RNF144B: variants seen among roughly 807,000 people sequenced by gnomAD.
RNF144B encodes the protein ring finger protein 144B, also known as E3 ubiquitin-protein ligase RNF144B.
Under a neutral mutation model 40.2 loss-of-function variants are expected in RNF144B, and 25 were observed. The ratio of observed to expected loss-of-function variants is 0.62; its 90% CI spans 0.45 to 0.87. RNF144B has a LOEUF of 0.87. Ranked by LOEUF, RNF144B falls within the 40% of genes least tolerant of loss-of-function variation. The pLI, the probability that RNF144B is intolerant of heterozygous loss-of-function variation, is 0.00. For synonymous variants in RNF144B, 145 were observed against 136.3 expected, an observed-to-expected ratio of 1.06 and a Z score of -0.44; for missense variants, 365 against 373.7, an observed-to-expected ratio of 0.98 and a Z score of 0.19.
chr6:18,406,453 GA>G lies in RNF144B; in HGVS notation c.165+6758del, dbSNP rs1232637937. On this transcript the variant is annotated intron_variant, in intron 2 of 7. Transcript: ENST00000259939. This position sits in a 1 kb window ranked among gnomAD's most constrained non-coding sequence, Gnocchi z 4.2. ...ACAGCAAAGGAGGCTGGTGTGGCTG[GA>G]AAAGTGTGTGTGTGTGTGTGTGTGT... is the stretch of plus-strand genomic sequence containing the variant. 8.1e-6 allele frequency among the ~76,000 whole-genome samples: 1 copy of G among 123,060 alleles called. No homozygotes were observed. Among genetic ancestry groups the G allele is most frequent in the Admixed American group, 9.2e-5 (1 of 10,928 alleles). 80.7% of individuals were successfully genotyped at this position (123,060 alleles called of 152,430 possible). A position where few individuals can be genotyped will look rare whatever the true frequency, so the allele number is the denominator to read the frequency against.
At position 18,431,429 on chromosome 6, in the gene RNF144B, A is replaced by G. The variant is rs118187908; in HGVS notation, c.270+3744A>G. Reference sequence around the variant, plus strand: ...TTGAAAGTAAATACCACACACATGAATTGGACTGTACCACCTTCATTTCTA... The same window carrying G: ...TTGAAAGTAAATACCACACACATGAGTTGGACTGTACCACCTTCATTTCTA... On this transcript the variant is annotated intron_variant, in intron 3 of 7. Transcript: ENST00000259939. Among the ~76,000 whole-genome samples, 40 of 152,276 alleles carry G rather than the reference A, an allele frequency of 2.6e-4. No individual in the cohort carries two copies. The East Asian group carries it at 7.4e-3, about 28-fold the overall frequency.
rs1205543359 is a variant in RNF144B, at chr6:18,447,397, A to C, written c.331+7653A>C. Among the ~76,000 whole-genome samples the C allele has an allele frequency of 6.6e-6, 1 of 152,118 alleles. No individual in the cohort carries two copies. Among genetic ancestry groups the C allele is most frequent in the Admixed American group, 6.5e-5 (1 of 15,270 alleles). Reference sequence around the variant, plus strand: ...GGAGAGTTATAGGAGGTAATTTGAAAGTGTTAGTCAAGGGCCTGATCCCAT... The same window carrying C: ...GGAGAGTTATAGGAGGTAATTTGAACGTGTTAGTCAAGGGCCTGATCCCAT... On this transcript the variant is annotated intron_variant, in intron 4 of 7. Coordinates refer to ENST00000259939, the MANE Select transcript of RNF144B (RefSeq NM_182757.4). The surrounding 1 kb of genome is among the most constrained non-coding windows in gnomAD (Gnocchi z 5.6).
At chr6:18,431,132 G>A (rs1404805810) in intron 3 of RNF144B, among the ~76,000 whole-genome samples, 3 of 151,618 alleles carry the variant, frequency 2.0e-5, no homozygotes, top group African/African-American at 7.3e-5. Context: ...ATCCCAGCAG[G>A]GCTTACACAG....
rs1007791180 is a variant in RNF144B, at chr6:18,412,077, T to C, written c.165+12378T>C. Reference sequence around the variant, plus strand: ...ATTATGAATACATTTTTTTTACTTATATAAATGTGAAAATACCTGTCCTTA... The same window carrying C: ...ATTATGAATACATTTTTTTTACTTACATAAATGTGAAAATACCTGTCCTTA... On this transcript the variant is annotated intron_variant, in intron 2 of 7. Coordinates refer to ENST00000259939, the MANE Select transcript of RNF144B (RefSeq NM_182757.4). This position sits in a 1 kb window ranked among gnomAD's most constrained non-coding sequence, Gnocchi z 4.2. Among the ~76,000 whole-genome samples the C allele has an allele frequency of 2.6e-5, 4 of 152,218 alleles. No homozygotes were observed. The highest frequency in any genetic ancestry group is 5.9e-5 in the Non-Finnish European group (4 of 68,040).
At position 18,450,829 on chromosome 6, in the gene RNF144B, C is replaced by T. The variant is rs12528074; in HGVS notation, c.332-6326C>T. On this transcript the variant is annotated intron_variant, in intron 4 of 7. Transcript: ENST00000259939. The surrounding 1 kb of genome is among the most constrained non-coding windows in gnomAD (Gnocchi z 4.7). ...TTCTACAGCTTCTAAATGCTGCCTGCAAAGTTGCTACCTCAGGGATTTTTT... is the reference window on the plus strand; with the variant it reads ...TTCTACAGCTTCTAAATGCTGCCTGTAAAGTTGCTACCTCAGGGATTTTTT... Among the ~76,000 whole-genome samples the T allele has an allele frequency of 0.12, 18,999 of 152,176 alleles. 1,365 individuals carry two copies. The highest frequency in any genetic ancestry group is 0.19 in the Admixed American group (2,957 of 15,294).
intron 3 of RNF144B, among the ~76,000 whole-genome samples, chr6:18,437,579 T>G (rs1187592317): frequency 6.6e-6 from 1 of 152,216 alleles, no homozygotes; most frequent in Non-Finnish European, 1.5e-5. Flanking sequence ...AATCACAGCT[T>G]TCAATTAAAA....
intron 4 of RNF144B, among the ~76,000 whole-genome samples, chr6:18,449,712 T>C (rs753976936): frequency 2.2e-4 from 34 of 151,794 alleles, no homozygotes; most frequent in Non-Finnish European, 4.1e-4. Context: ...TATATATATA[T>C]ACATTGTGGA....
rs58598090 is a variant in RNF144B at position 18,410,994 on chromosome 6, C to CTT, written c.165+11303_165+11304dup. Among the ~76,000 whole-genome samples, 61 of 147,798 alleles carry CTT rather than the reference C, an allele frequency of 4.1e-4. No individual in the cohort carries two copies. Among genetic ancestry groups the CTT allele is most frequent in the South Asian group, 6.4e-4 (3 of 4,682 alleles). ...TTCTTTTTTTTTCTTCTTTTCTTTT[C>CTT]TTTTTTTTTGAGACGGAGTCTCATT... On this transcript the variant is annotated intron_variant, in intron 2 of 7. Transcript: ENST00000259939. The surrounding 1 kb of genome is among the most constrained non-coding windows in gnomAD (Gnocchi z 4.6).
chr6:18,428,529 G>A (rs933413579), intron 3 of RNF144B, among the ~76,000 whole-genome samples: 2 of 151,764 alleles, frequency 1.3e-5, no homozygotes, highest in South Asian at 2.1e-4. Flanking sequence ...TTCAATCACC[G>A]GTTATTGGTT....
rs929348275 is a variant in RNF144B at position 18,399,591 on chromosome 6, T to C, written c.57T>C (p.Pro19=). 2.5e-6 allele frequency: 4 copies of C among 1,614,084 alleles called. No individual in the cohort carries two copies. In the Admixed American group the frequency reaches 6.7e-5, roughly 27 times the overall value. The change falls in exon 2 of 8, where the codon CCT becomes CCC. Residue 19 remains proline, a synonymous_variant. Transcript: ENST00000259939. ...YLAMTAENPT[P]GDLAPAPLIT... Reference sequence around the variant, plus strand: ...CCATGACTGCTGAAAATCCCACTCCTGGAGACCTGGCTCCGGCCCCCCTCA... The same window carrying C: ...CCATGACTGCTGAAAATCCCACTCCCGGAGACCTGGCTCCGGCCCCCCTCA...
Position 18,463,150 on chromosome 6 carries a change from T to G in RNF144B, c.682-141T>G, listed in dbSNP as rs1759504543. 3 of 600,564 alleles carry G rather than the reference T, an allele frequency of 5.0e-6. No homozygotes were observed. The East Asian group carries it at 8.3e-5, about 17-fold the overall frequency. The allele number at this position is 600,564 out of a possible 1,614,324, so 37.2% of individuals were successfully genotyped here. Reference sequence around the variant, plus strand: ...TTTACAAAACTACCAAGATAAAGATTACAGGCTTGGAATTCCTAGAGGGGG... The same window carrying G: ...TTTACAAAACTACCAAGATAAAGATGACAGGCTTGGAATTCCTAGAGGGGG... On this transcript the variant is annotated intron_variant, in intron 6 of 7. Transcript: ENST00000259939.
At position 18,422,334 on chromosome 6, in the gene RNF144B, T is replaced by A. The variant is rs1414773982; in HGVS notation, c.166-5247T>A. On this transcript the variant is annotated intron_variant, in intron 2 of 7. Transcript: ENST00000259939. The surrounding 1 kb of genome is among the most constrained non-coding windows in gnomAD (Gnocchi z 4.7). Reference sequence around the variant, plus strand: ...GAATGTTGTTCTCAGTGTGAGATGTTATTTAGAACACACTGGAAACATTGT... The same window carrying A: ...GAATGTTGTTCTCAGTGTGAGATGTAATTTAGAACACACTGGAAACATTGT... 6.6e-6 allele frequency among the ~76,000 whole-genome samples: 1 copy of A among 152,194 alleles called. No homozygotes were observed. Among genetic ancestry groups the A allele is most frequent in the African/African-American group, 2.4e-5 (1 of 41,446 alleles).
At chr6:18,393,468 C>T (rs1002130550) in intron 1 of RNF144B, among the ~76,000 whole-genome samples, 1 of 152,220 alleles carries the variant, frequency 6.6e-6, no homozygotes, top group African/African-American at 2.4e-5. Flanking sequence ...CAGCTAATGG[C>T]TGATAATGCT....
chr6:18,419,330 C>G lies in RNF144B; in HGVS notation c.166-8251C>G, dbSNP rs1795207639. Among the ~76,000 whole-genome samples the G allele has an allele frequency of 1.3e-5, 2 of 152,122 alleles. No individual in the cohort carries two copies. The highest frequency in any genetic ancestry group is 1.3e-4 in the Admixed American group (2 of 15,262). On this transcript the variant is annotated intron_variant, in intron 2 of 7. Coordinates refer to ENST00000259939, the MANE Select transcript of RNF144B (RefSeq NM_182757.4). This position sits in a 1 kb window ranked among gnomAD's most constrained non-coding sequence, Gnocchi z 4.6. Reference sequence around the variant, plus strand: ...GATCATTTTCTTCGGGGGCACTGCTCTCTGCTAGGGAACCACTGGCCTTTT... The same window carrying G: ...GATCATTTTCTTCGGGGGCACTGCTGTCTGCTAGGGAACCACTGGCCTTTT...
chr6:18,452,920 G>A (rs1759240790), intron 4 of RNF144B, among the ~76,000 whole-genome samples: 1 of 151,944 alleles, frequency 6.6e-6, no homozygotes, highest in Non-Finnish European at 1.5e-5. Context: ...AAGTAGCTGG[G>A]ACTATAAGTG....
In RNF144B at chr6:18,406,385, G is replaced by A. The variant is rs1311058774; in HGVS notation, c.165+6686G>A. On this transcript the variant is annotated intron_variant, in intron 2 of 7. Transcript: ENST00000259939. The surrounding 1 kb of genome is among the most constrained non-coding windows in gnomAD (Gnocchi z 4.2). ...AGAGGGTTGTAGGCAGAGGGAAGCA[G>A]TATGGAGGTCTTAAGTTGGGAGTGT... 6.6e-6 allele frequency among the ~76,000 whole-genome samples: 1 copy of A among 151,906 alleles called. No individual in the cohort carries two copies. Among genetic ancestry groups the A allele is most frequent in the Admixed American group, 6.6e-5 (1 of 15,240 alleles).
chr6:18,426,659 C>T (rs900355159), intron 2 of RNF144B, among the ~76,000 whole-genome samples: 3 of 151,224 alleles, frequency 2.0e-5, no homozygotes, highest in African/African-American at 7.3e-5. Flanking sequence ...TTCTTTTTTT[C>T]TATTCAGTTT....
chr6:18,438,851 A>G (rs979796271), intron 3 of RNF144B, among the ~76,000 whole-genome samples: 2 of 152,104 alleles, frequency 1.3e-5, no homozygotes, highest in Non-Finnish European at 2.9e-5. Flanking sequence ...TTTGATTTAT[A>G]TATGATTTAT....
Position 18,464,794 on chromosome 6 carries a change from G to C in RNF144B, c.772-133G>C, listed in dbSNP as rs757618746. On this transcript the variant is annotated intron_variant, in intron 7 of 7. Coordinates refer to ENST00000259939, the MANE Select transcript of RNF144B (RefSeq NM_182757.4). The surrounding 1 kb of genome is among the most constrained non-coding windows in gnomAD (Gnocchi z 6.1). ...CGTCTCCAAATACCGTCACATCGGG[G>C]ATTTAGGGTTTCAACATATGAGCTT... The C allele has an allele frequency of 3.6e-6, 3 of 844,834 alleles. No homozygotes were observed. The highest frequency in any genetic ancestry group is 5.6e-6 in the Non-Finnish European group (3 of 535,262). The allele number at this position is 844,834 out of a possible 1,614,324, so 52.3% of individuals were successfully genotyped here. A position where few individuals can be genotyped will look rare whatever the true frequency, so the allele number is the denominator to read the frequency against.
Sources: allele counts gnomAD v4.1 joint callset (sites outside exome capture counted in the v4.1 genomes callset), GRCh38; gene constraint gnomAD v4.1.1; non-coding constraint Gnocchi (gnomAD v3.1); transcripts MANE v1.5; gene names NCBI Gene and HGNC (gene_info 2026-07-23, HGNC 2026-07-21).